INSR: variants seen among roughly 807,000 people sequenced by gnomAD.
The protein encoded by INSR is IR.
INSR carries 67 observed loss-of-function variants against 142.6 expected under a neutral mutation model. The observed-to-expected ratio is 0.47, with a 90% CI of 0.39 to 0.58. INSR has a LOEUF of 0.58. Among genes scored for constraint, INSR ranks in the 20% least tolerant of loss-of-function variants. The probability of loss-of-function intolerance (pLI) is 0.00; values close to 1 mark genes in which losing one functional copy is unlikely to be tolerated. For missense variants in INSR, 1,248 were observed against 1,833.2 expected (o/e 0.68, Z 5.83); for synonymous variants, 756 against 743.1 (o/e 1.02, Z -0.28).
chr19:7,135,402 G>A (rs951491919), intron 13 of INSR, among the ~76,000 whole-genome samples: 6 of 122,776 alleles, frequency 4.9e-5, no homozygotes, highest in African/African-American at 1.6e-4. Flanking sequence ...TGCGACCTCC[G>A]CCTCCCGAGT....
chr19:7,228,495 C>A (rs1397372534), intron 2 of INSR, among the ~76,000 whole-genome samples: 1 of 152,168 alleles, frequency 6.6e-6, no homozygotes, highest in Admixed American at 6.5e-5. Flanking sequence ...CCACTCAAAT[C>A]AGAAATGAGA....
intron 13 of INSR, among the ~76,000 whole-genome samples, chr19:7,136,154 G>A (rs912774707): frequency 5.3e-5 from 8 of 152,066 alleles, no homozygotes; most frequent in East Asian, 1.9e-4. Flanking sequence ...TCGTGGTCTT[G>A]ATTTGCATTT....
chr19:7,139,528 T>C (rs1295638689), intron 13 of INSR, among the ~76,000 whole-genome samples: 1 of 152,136 alleles, frequency 6.6e-6, no homozygotes, highest in African/African-American at 2.4e-5. Flanking sequence ...AAGTAACTCA[T>C]GAATATGGAT....
chr19:7,267,231 A>G lies in INSR; in HGVS notation c.652+114T>C. 1.8e-6 allele frequency: 2 copies of G among 1,102,242 alleles called. No homozygotes were observed. Among genetic ancestry groups the G allele is most frequent in the Non-Finnish European group, 2.7e-6 (2 of 733,962 alleles). 68.3% of individuals were successfully genotyped at this position (1,102,242 alleles called of 1,614,324 possible). On this transcript the variant is annotated intron_variant, in intron 2 of 21. Transcript: ENST00000302850. The surrounding 1 kb of genome is among the most constrained non-coding windows in gnomAD (Gnocchi z 6.3). ...CCTGGGCTAGTGAATGCCACCACCC[A>G]CTATTCCCCGGCCCCTACCTAATGA...
chr19:7,177,972 A>T (rs1242113284), intron 3 of INSR, among the ~76,000 whole-genome samples: 1 of 152,020 alleles, frequency 6.6e-6, no homozygotes, highest in Non-Finnish European at 1.5e-5. Context: ...GAACTCAATG[A>T]AGCATACCAC....
chr19:7,261,894 A>G (rs547428872), intron 2 of INSR, among the ~76,000 whole-genome samples: 1 of 152,196 alleles, frequency 6.6e-6, no homozygotes, highest in Non-Finnish European at 1.5e-5. Flanking sequence ...GACAGGTAGA[A>G]GAAGGGGTGG....
chr19:7,245,076 C>T (rs931404671), intron 2 of INSR, among the ~76,000 whole-genome samples: 11 of 151,728 alleles, frequency 7.2e-5, no homozygotes, highest in African/African-American at 2.7e-4. Context: ...GCTGGGACTA[C>T]AGGTGCCCAC....
At chr19:7,123,303 G>C in intron 17 of INSR, 1 of 352,642 alleles carries the variant, frequency 2.8e-6, no homozygotes, top group Non-Finnish European at 5.4e-6. Context: ...CGAGTAGCTG[G>C]GGTTACAGGT....
At chr19:7,254,362 G>GTAAA (rs1447686200) in intron 2 of INSR, among the ~76,000 whole-genome samples, 29 of 151,400 alleles carry the variant, frequency 1.9e-4, no homozygotes, top group African/African-American at 6.8e-4. Flanking sequence ...TAATAAATAA[G>GTAAA]TAAATAAGTA....
intron 1 of INSR, among the ~76,000 whole-genome samples, chr19:7,270,086 CCAA>C (rs1967867792): frequency 6.6e-6 from 1 of 151,898 alleles, no homozygotes; most frequent in Non-Finnish European, 1.5e-5. Context: ...CTTCAGCCTC[CCAA>C]GAAGTGTCCA....
At position 7,242,525 on chromosome 19, in the gene INSR, G is replaced by A. The variant is rs1309675885; in HGVS notation, c.652+24820C>T. On this transcript the variant is annotated intron_variant, in intron 2 of 21. Transcript: ENST00000302850. The stretch of plus-strand genomic sequence containing the variant: ...TGAGGAGGAGGGCAGATCACTTGAG[G>A]TCAGGAGTTCGAGACCAGCCTGGCC... Among the ~76,000 whole-genome samples, 2 of 151,824 alleles carry A rather than the reference G, an allele frequency of 1.3e-5. 1 individual carries two copies.
chr19:7,241,174 TTTG>T (rs1326131244), intron 2 of INSR, among the ~76,000 whole-genome samples: 2 of 97,360 alleles, frequency 2.1e-5, no homozygotes, highest in Non-Finnish European at 4.4e-5. Flanking sequence ...TTTATTTTAT[TTTG>T]TTTTTTTTTT....
intron 1 of INSR, among the ~76,000 whole-genome samples, chr19:7,275,773 C>T (rs1297746128): frequency 4.0e-5 from 6 of 148,192 alleles, no homozygotes; most frequent in South Asian, 2.1e-4. Flanking sequence ...GATGACAGAG[C>T]GAGACTCCAT....
At chr19:7,172,077 A>G (rs1974027388) in intron 5 of INSR, among the ~76,000 whole-genome samples, 1 of 151,750 alleles carries the variant, frequency 6.6e-6, no homozygotes, top group Non-Finnish European at 1.5e-5. Context: ...ACACTTGGCT[A>G]ATTTTTGTAC....
At chr19:7,200,178 C>A (rs1476028064) in intron 2 of INSR, among the ~76,000 whole-genome samples, 1 of 152,120 alleles carries the variant, frequency 6.6e-6, no homozygotes, top group South Asian at 2.1e-4. Flanking sequence ...AGAAAGAACA[C>A]CATCGGATTC....
chr19:7,168,621 C>G lies in INSR; in HGVS notation c.1484-527G>C, dbSNP rs1973941671. On this transcript the variant is annotated intron_variant, in intron 6 of 21. Transcript: ENST00000302850. This position sits in a 1 kb window ranked among gnomAD's most constrained non-coding sequence, Gnocchi z 4.3. ...AAACCTCACCCCAACCTCGCTCTCTCTCCTTGCACTACATTTTTTTTGAGA... is the reference window on the plus strand; with the variant it reads ...AAACCTCACCCCAACCTCGCTCTCTGTCCTTGCACTACATTTTTTTTGAGA... 6.6e-6 allele frequency among the ~76,000 whole-genome samples: 1 copy of G among 152,206 alleles called. No individual in the cohort carries two copies. Among genetic ancestry groups the G allele is most frequent in the African/African-American group, 2.4e-5 (1 of 41,456 alleles).
Position 7,211,206 on chromosome 19 carries a change from A to G in INSR, c.653-26569T>C, listed in dbSNP as rs1251918377. On this transcript the variant is annotated intron_variant, in intron 2 of 21. Coordinates refer to ENST00000302850, the MANE Select transcript of INSR (RefSeq NM_000208.4). ...CTCAGCCTCCCATGTAGCTGCGACT[A>G]CAGGTGCATGTCACCATGCCCAGCT... Among the ~76,000 whole-genome samples, 4 of 152,252 alleles carry G rather than the reference A, an allele frequency of 2.6e-5. 1 individual carries two copies. The highest frequency in any genetic ancestry group is 4.2e-4 in the South Asian group (2 of 4,816).
At chr19:7,152,593 A>T (rs1973400767) in intron 10 of INSR, 133 bp downstream of exon 10, 1 of 798,970 alleles carries the variant, frequency 1.3e-6, no homozygotes, top group African/African-American at 1.7e-5. Flanking sequence ...CACCCAGGAA[A>T]GGGCTCCATT....
At chr19:7,181,494 C>T (rs977067504) in intron 3 of INSR, among the ~76,000 whole-genome samples, 1 of 151,880 alleles carries the variant, frequency 6.6e-6, no homozygotes, top group Non-Finnish European at 1.5e-5. Flanking sequence ...TCCTTCTCAT[C>T]TCAGGAAGCA....
Sources: gnomAD v4.1 joint callset for allele counts (sites outside exome capture counted in the v4.1 genomes callset) on GRCh38, gnomAD v4.1.1 for gene constraint, Gnocchi (gnomAD v3.1) non-coding constraint, MANE v1.5 for transcripts, NCBI Gene and HGNC (gene_info 2026-07-23, HGNC 2026-07-21) for gene names.